SART1: variants seen among roughly 807,000 people sequenced by gnomAD.
SART1 encodes the protein spliceosome associated factor 1, recruiter of U4/U6.U5 tri-snRNP.
Under a neutral mutation model 105.0 loss-of-function variants are expected in SART1, and 28 were observed. The observed-to-expected ratio is 0.27, with a 90% CI of 0.20 to 0.37. The LOEUF (loss-of-function observed/expected upper bound fraction) is 0.37, where lower values mean the gene tolerates loss of function less well. Among genes scored for constraint, SART1 ranks in the 10% least tolerant of loss-of-function variants. SART1 has a pLI of 1.00. For synonymous variants in SART1, 472 were observed against 462.9 expected (o/e 1.02, Z -0.25); for missense variants, 894 against 1,106.5 (o/e 0.81, Z 2.72).
intron 2 of SART1, 152 bp from the exon 3 acceptor site, chr11:65,964,363 C>A: frequency 1.0e-6 from 1 of 957,782 alleles, no homozygotes; most frequent in Non-Finnish European, 1.6e-6. Context: ...GCTTTGGAGG[C>A]CAGGGCCCTT....
At chr11:65,970,385 G>A (rs1236448735) in intron 12 of SART1, among the ~76,000 whole-genome samples, 1 of 152,134 alleles carries the variant, frequency 6.6e-6, no homozygotes, top group African/African-American at 2.4e-5. Flanking sequence ...TTTCCCACCC[G>A]CAAAGGAGCC....
chr11:65,966,307 C>T (rs1233367055), intron 8 of SART1, 43 bp from the exon 9 acceptor site: 3 of 1,613,778 alleles, frequency 1.9e-6, no homozygotes, highest in Admixed American at 3.3e-5. Context: ...AGTGGCTTTT[C>T]AGGAGCCAGC....
rs1490652620 is a variant in SART1, at chr11:65,978,036, A to G, written c.2172+137A>G. On this transcript the variant is annotated intron_variant, in intron 17 of 19. Transcript: ENST00000312397. The surrounding 1 kb of genome is among the most constrained non-coding windows in gnomAD (Gnocchi z 6.8). The stretch of plus-strand genomic sequence containing the variant: ...TCTGGCTGGGGGCCTGGTGAATGCC[A>G]CGGATGGGGAGGGGGCCCTCAGGGC... 10 of 923,652 alleles carry G rather than the reference A, an allele frequency of 1.1e-5. No individual in the cohort carries two copies. Among genetic ancestry groups the G allele is most frequent in the South Asian group, 1.7e-5 (1 of 58,450 alleles). The allele number at this position is 923,652 out of a possible 1,614,324, so 57.2% of individuals were successfully genotyped here.
chr11:65,962,090 G>T lies in SART1; in HGVS notation c.310G>T (p.Ala104Ser). ...KREKRDDGYE[A>S]AASSKTSSGD... ...GGAGAAGCGCGATGACGGCTACGAG[G>T]CCGGTGAGGAGGCGGGGCCTGCGCA... Residue 104 changes from alanine to serine, a missense_variant, in exon 1 of 20, where the codon GCC becomes TCC. By Grantham distance (99) the Ala-to-Ser change is moderately conservative (BLOSUM62 1). Transcript: ENST00000312397. The T allele has an allele frequency of 6.8e-7, 1 of 1,460,888 alleles. No homozygotes were observed. Among genetic ancestry groups the T allele is most frequent in the African/African-American group, 1.5e-5 (1 of 66,710 alleles). The allele number at this position is 1,460,888 out of a possible 1,614,324, so 90.5% of individuals were successfully genotyped here. A position where few individuals can be genotyped will look rare whatever the true frequency, so the allele number is the denominator to read the frequency against.
Position 65,964,054 on chromosome 11 carries a change from C to T in SART1, c.314-20C>T, listed in dbSNP as rs772065451. ...TTGGCCCTGTGTTCAGCTCCTGAGC[C>T]ATGCTTCTTCTTGTTCCAGCTGCCA... On this transcript the variant is annotated intron_variant, in intron 1 of 19. Coordinates refer to ENST00000312397, the MANE Select transcript of SART1 (RefSeq NM_005146.5). The T allele has an allele frequency of 6.2e-7, 1 of 1,608,960 alleles. No homozygotes were observed. Among genetic ancestry groups the T allele is most frequent in the Non-Finnish European group, 8.5e-7 (1 of 1,179,694 alleles).
Position 65,967,602 on chromosome 11 carries a change from G to A in SART1, c.1429+16G>A, listed in dbSNP as rs1447372199. 1.2e-6 allele frequency: 2 copies of A among 1,609,270 alleles called. No individual in the cohort carries two copies. The highest frequency in any genetic ancestry group is 1.7e-6 in the Non-Finnish European group (2 of 1,178,592). ...AGTGATGAGGGTGAGGGCCCGGCCA[G>A]GGGGTGGGAGGGGCAGGGACAGGAG... is the stretch of plus-strand genomic sequence containing the variant. On this transcript the variant is annotated intron_variant, in intron 11 of 19. Coordinates refer to ENST00000312397, the MANE Select transcript of SART1 (RefSeq NM_005146.5).
intron 9 of SART1, 120 bp downstream of exon 9, chr11:65,966,676 C>T (rs1022381729): frequency 8.4e-6 from 10 of 1,189,142 alleles, no homozygotes; most frequent in East Asian, 2.6e-5. Context: ...CGCTTGGCCT[C>T]GCGGGTGAGC....
Position 65,976,491 on chromosome 11 carries a change from T to C in SART1, c.1669T>C (p.Ser557Pro). 6.3e-7 allele frequency: 1 copy of C among 1,583,250 alleles called. No homozygotes were observed. Among genetic ancestry groups the C allele is most frequent in the Non-Finnish European group, 8.6e-7 (1 of 1,164,458 alleles). ...RKGAIVFNATSEFCRTLGEIP... is the reference protein window; with the variant it reads ...RKGAIVFNATPEFCRTLGEIP... ...GGGGGCCATCGTGTTCAACGCCACG[T>C]CCGAGTTCTGCCGCACCTTGGGGGA... The change falls in exon 13 of 20, where the codon TCC (serine) becomes CCC (proline). Residue 557 changes from serine to proline, a missense_variant. By Grantham distance (74) the Ser-to-Pro change is moderately conservative. Coordinates refer to ENST00000312397, the MANE Select transcript of SART1 (RefSeq NM_005146.5). The surrounding 1 kb of genome is among the most constrained non-coding windows in gnomAD (Gnocchi z 5.1).
At chr11:65,965,050 G>T in intron 3 of SART1, 42 bp from the exon 4 acceptor site, 1 of 1,537,938 alleles carries the variant, frequency 6.5e-7, no homozygotes. Context: ...CTCCCCACCA[G>T]CCATGGGCGG....
chr11:65,973,632 C>T (rs1855426519), intron 12 of SART1, among the ~76,000 whole-genome samples: 2 of 152,218 alleles, frequency 1.3e-5, no homozygotes, highest in South Asian at 4.1e-4. Context: ...GGGCCCACCC[C>T]ACACCTCTCC....
chr11:65,964,944 C>A, intron 3 of SART1, 148 bp from the exon 4 acceptor site: 1 of 1,047,198 alleles, frequency 9.5e-7, no homozygotes, highest in Non-Finnish European at 1.3e-6. Flanking sequence ...AGTGTGGGGA[C>A]GAAGTGGGAG....
chr11:65,965,175 C>T lies in SART1; in HGVS notation c.511C>T (p.Leu171=). 1 of 1,606,826 alleles carries T rather than the reference C, an allele frequency of 6.2e-7. No individual in the cohort carries two copies. The highest frequency in any genetic ancestry group is 8.5e-7 in the Non-Finnish European group (1 of 1,178,352). The change falls in exon 4 of 20, where the codon CTG becomes TTG. Residue 171 remains leucine (L), a synonymous_variant. Coordinates refer to ENST00000312397, the MANE Select transcript of SART1 (RefSeq NM_005146.5). ...ACAGCGAGAGGAGCTGCGGGAGAAG[C>T]TGGCGGCTGCCAAGGAGAAGCGCCT... is the stretch of plus-strand genomic sequence containing the variant. ...LRQREELREK[L]AAAKEKRLLN...
In SART1 at chr11:65,967,698, G is replaced by T; in HGVS notation, c.1449G>T (p.Pro483=). Residue 483 remains proline (P), a synonymous_variant, in exon 12 of 20, where the codon CCG becomes CCT. Transcript: ENST00000312397. ...ISDEEEGGAP[P]PGSPQVLEED... Reference sequence around the variant, plus strand: ...CCCCAGAGGAAGGTGGAGCTCCACCGCCGGGGTCCCCGCAGGTGCTGGAGG... The same window carrying T: ...CCCCAGAGGAAGGTGGAGCTCCACCTCCGGGGTCCCCGCAGGTGCTGGAGG... 6.4e-7 allele frequency: 1 copy of T among 1,565,188 alleles called. No homozygotes were observed. Among genetic ancestry groups the T allele is most frequent in the Non-Finnish European group, 8.7e-7 (1 of 1,154,808 alleles).
intron 9 of SART1, 68 bp downstream of exon 9, chr11:65,966,624 G>A (rs1201633244): frequency 2.1e-5 from 30 of 1,407,030 alleles, no homozygotes; most frequent in South Asian, 1.3e-4. Context: ...TGCCCTGCCC[G>A]CAGGCACTGA....
intron 5 of SART1, 94 bp from the exon 6 acceptor site, chr11:65,965,608 C>G (rs1021128255): frequency 7.2e-7 from 1 of 1,397,148 alleles, no homozygotes; most frequent in African/African-American, 1.4e-5. Flanking sequence ...CCTGCAAGGC[C>G]TGCCCTTTTT....
chr11:65,976,389 C>T lies in SART1; in HGVS notation c.1573-6C>T. Reference sequence around the variant, plus strand: ...TGGGTTTGCCCACAGCCGCTCCCTCCCCCAGGTGGTGGAGATTGTGAAGAA... The same window carrying T: ...TGGGTTTGCCCACAGCCGCTCCCTCTCCCAGGTGGTGGAGATTGTGAAGAA... On this transcript the variant is annotated splice_polypyrimidine_tract_variant and splice_region_variant and intron_variant, in intron 12 of 19. Coordinates refer to ENST00000312397, the MANE Select transcript of SART1 (RefSeq NM_005146.5). The surrounding 1 kb of genome is among the most constrained non-coding windows in gnomAD (Gnocchi z 5.1). 2.0e-6 allele frequency: 3 copies of T among 1,531,420 alleles called. No homozygotes were observed. In the South Asian group the frequency reaches 3.9e-5, roughly 20 times the overall value. 94.9% of individuals were successfully genotyped at this position (1,531,420 alleles called of 1,614,324 possible).
chr11:65,967,124 T>C (rs754512727), intron 9 of SART1, 135 bp from the exon 10 acceptor site: 1 of 1,271,210 alleles, frequency 7.9e-7, no homozygotes, highest in South Asian at 1.4e-5. Context: ...CCACCCCACA[T>C]GTTGCTCATG....
intron 12 of SART1, among the ~76,000 whole-genome samples, chr11:65,970,486 A>T (rs1377124276): frequency 6.6e-6 from 1 of 152,072 alleles, no homozygotes; most frequent in Non-Finnish European, 1.5e-5. Context: ...TGGGGCCTAG[A>T]GTGCAAGTGG....
Position 65,961,942 on chromosome 11 carries a change from G to A in SART1, c.162G>A (p.Lys54=). 6.5e-7 allele frequency: 1 copy of A among 1,528,062 alleles called. No homozygotes were observed. The highest frequency in any genetic ancestry group is 8.8e-7 in the Non-Finnish European group (1 of 1,138,144). The allele number at this position is 1,528,062 out of a possible 1,614,324, so 94.7% of individuals were successfully genotyped here. A position where few individuals can be genotyped will look rare whatever the true frequency, so the allele number is the denominator to read the frequency against. ...GCGGTAGCGGTGGCGAACGACGGAA[G>A]CGGAGCCGGGAACGTGGGGGCGAGC... The part of the protein sequence containing the change: ...GSGGSGGERR[K]RSRERGGERG... Residue 54 remains lysine (K), a synonymous_variant, in exon 1 of 20, where the codon AAG becomes AAA. Coordinates refer to ENST00000312397, the MANE Select transcript of SART1 (RefSeq NM_005146.5).
Sources: gnomAD v4.1 joint callset for allele counts (sites outside exome capture counted in the v4.1 genomes callset) on GRCh38, gnomAD v4.1.1 for gene constraint, Gnocchi (gnomAD v3.1) non-coding constraint, MANE v1.5 for transcripts, NCBI Gene and HGNC (gene_info 2026-07-23, HGNC 2026-07-21) for gene names.